Variants in PTPRD observed in about 807,000 individuals in gnomAD.
PTPRD encodes receptor-type tyrosine-protein phosphatase delta.
PTPRD carries 34 observed loss-of-function variants against 214.5 expected under a neutral mutation model. The ratio of observed to expected loss-of-function variants is 0.16; its 90% CI spans 0.12 to 0.21. PTPRD has a LOEUF of 0.21. Among genes scored for constraint, PTPRD ranks in the 10% least tolerant of loss-of-function variants. The pLI, the probability that PTPRD is intolerant of heterozygous loss-of-function variation, is 1.00. For synonymous variants in PTPRD, 1,128 were observed against 845.7 expected, an observed-to-expected ratio of 1.33 and a Z score of -5.79; for missense variants, 2,545 against 2,398.7, an observed-to-expected ratio of 1.06 and a Z score of -1.27.
chr9:8,456,618 G>C (rs1275712673), intron 33 of PTPRD, among the ~76,000 whole-genome samples: 1 of 152,130 alleles, frequency 6.6e-6, no homozygotes, highest in Non-Finnish European at 1.5e-5. Context: ...GAACTGTATG[G>C]AGGGTTGATA....
intron 14 of PTPRD, among the ~76,000 whole-genome samples, chr9:8,567,931 C>G (rs1366897692): frequency 2.0e-5 from 3 of 152,012 alleles, no homozygotes; most frequent in Non-Finnish European, 4.4e-5. Context: ...TATATGAAGA[C>G]TAAAATATTA....
Position 9,007,112 on chromosome 9 carries a change from C to G in PTPRD, c.-104+11585G>C, listed in dbSNP as rs1332668770. ...AAAATACTGTGTGTGCTCCCATCCA[C>G]ACATCTTAAGGAAATCAAAATGAAA... On this transcript the variant is annotated intron_variant, in intron 11 of 45. Coordinates refer to ENST00000381196, the MANE Select transcript of PTPRD (RefSeq NM_002839.4). Among the ~76,000 whole-genome samples the G allele has an allele frequency of 3.9e-5, 6 of 151,972 alleles. No individual in the cohort carries two copies. In the East Asian group the frequency reaches 1.2e-3, roughly 29 times the overall value.
At position 9,491,960 on chromosome 9, in the gene PTPRD, T is replaced by G. The variant is rs1019226610; in HGVS notation, c.-237+82772A>C. 2.0e-5 allele frequency among the ~76,000 whole-genome samples: 3 copies of G among 151,924 alleles called. No individual in the cohort carries two copies. The East Asian group carries it at 5.8e-4, about 29-fold the overall frequency. On this transcript the variant is annotated intron_variant, in intron 8 of 45. Transcript: ENST00000381196. ...TAAATCAATGAAACCAAAAGGTGAT[T>G]CTTTAAAAGGATTTTTTAAACTGAC... is the stretch of plus-strand genomic sequence containing the variant.
Position 9,143,482 on chromosome 9 carries a change from C to G in PTPRD, c.-143+39822G>C, listed in dbSNP as rs76428503. Reference sequence around the variant, plus strand: ...TTATCTTTTCCAAGTAAAGATCAGGCATTGAAAGGGAGCCCCTTTAAATTA... The same window carrying G: ...TTATCTTTTCCAAGTAAAGATCAGGGATTGAAAGGGAGCCCCTTTAAATTA... On this transcript the variant is annotated intron_variant, in intron 10 of 45. Transcript: ENST00000381196. Among the ~76,000 whole-genome samples the G allele has an allele frequency of 9.5e-3, 1,443 of 152,228 alleles. 19 individuals are homozygous for G. Among genetic ancestry groups the G allele is most frequent in the African/African-American group, 0.032 (1,342 of 41,518 alleles).
chr9:9,125,652 C>G (rs996551206), intron 10 of PTPRD, among the ~76,000 whole-genome samples: 7 of 152,162 alleles, frequency 4.6e-5, no homozygotes, highest in Non-Finnish European at 1.0e-4. Flanking sequence ...CATAGCCTCC[C>G]AGGTGAGAAT....
At chr9:8,525,815 C>G (rs1204803570) in intron 17 of PTPRD, among the ~76,000 whole-genome samples, 1 of 152,004 alleles carries the variant, frequency 6.6e-6, no homozygotes, top group African/African-American at 2.4e-5. Context: ...TGTGGTGTCA[C>G]AAAACCCCAA....
intron 7 of PTPRD, among the ~76,000 whole-genome samples, chr9:9,596,462 C>A (rs1037891249): frequency 6.6e-6 from 1 of 151,826 alleles, no homozygotes; most frequent in African/African-American, 2.4e-5. Flanking sequence ...GAAAATCTTG[C>A]CTTTTTATTT....
intron 11 of PTPRD, among the ~76,000 whole-genome samples, chr9:9,014,400 T>C (rs1470335494): frequency 6.6e-6 from 1 of 152,092 alleles, no homozygotes; most frequent in Non-Finnish European, 1.5e-5. Context: ...CTTAAAAATG[T>C]CACCTAATAG....
rs75919593 is a variant in PTPRD at position 10,586,089 on chromosome 9, T to A, written c.-600+26309A>T. Among the ~76,000 whole-genome samples the A allele has an allele frequency of 7.0e-3, 1,068 of 152,098 alleles. 8 individuals carry two copies. Among genetic ancestry groups the A allele is most frequent in the African/African-American group, 0.024 (1,012 of 41,514 alleles). Reference sequence around the variant, plus strand: ...ATGTTCTTTTCAAAACACAGTGCAGTAAAGAAATTTACATAAAAGTAAATT... The same window carrying A: ...ATGTTCTTTTCAAAACACAGTGCAGAAAAGAAATTTACATAAAAGTAAATT... On this transcript the variant is annotated intron_variant, in intron 2 of 45. Transcript: ENST00000381196.
At chr9:10,421,906 G>T (rs958271896) in intron 2 of PTPRD, among the ~76,000 whole-genome samples, 2 of 151,732 alleles carry the variant, frequency 1.3e-5, no homozygotes, top group Admixed American at 1.3e-4. Context: ...AACTCTGTGG[G>T]AACCCAGAAA....
chr9:9,558,140 G>T (rs2081994481), intron 8 of PTPRD, among the ~76,000 whole-genome samples: 1 of 152,002 alleles, frequency 6.6e-6, no homozygotes, highest in Admixed American at 6.6e-5. Flanking sequence ...TCTTTCTCTG[G>T]GTGCCAGCGC....
At chr9:8,710,089 G>A (rs375787757) in intron 12 of PTPRD, among the ~76,000 whole-genome samples, 5 of 152,112 alleles carry the variant, frequency 3.3e-5, no homozygotes, top group African/African-American at 9.7e-5. Flanking sequence ...AATAATCTGC[G>A]TGAAGCAAGG....
At chr9:8,355,642 G>T (rs966207019) in intron 39 of PTPRD, among the ~76,000 whole-genome samples, 1 of 152,150 alleles carries the variant, frequency 6.6e-6, no homozygotes, top group Non-Finnish European at 1.5e-5. Flanking sequence ...TCAACTCAAT[G>T]GATGCAAAAT....
At chr9:10,101,012 T>C (rs2098546652) in intron 3 of PTPRD, among the ~76,000 whole-genome samples, 1 of 151,764 alleles carries the variant, frequency 6.6e-6, no homozygotes, top group African/African-American at 2.4e-5. Flanking sequence ...TTATAATTAA[T>C]ATTAAATAAA....
chr9:8,694,086 C>A (rs2097859932), intron 12 of PTPRD, among the ~76,000 whole-genome samples: 1 of 152,148 alleles, frequency 6.6e-6, no homozygotes, highest in Non-Finnish European at 1.5e-5. Flanking sequence ...CTCTGAATAT[C>A]TTACCTAGAT....
At chr9:8,638,621 T>A (rs551286690) in intron 12 of PTPRD, among the ~76,000 whole-genome samples, 2 of 152,214 alleles carry the variant, frequency 1.3e-5, no homozygotes, top group African/African-American at 4.8e-5. Flanking sequence ...ATATTTGCAA[T>A]GCTGGTCCTG....
chr9:9,665,607 T>C (rs2096707002), intron 7 of PTPRD, among the ~76,000 whole-genome samples: 1 of 151,750 alleles, frequency 6.6e-6, no homozygotes, highest in Non-Finnish European at 1.5e-5. Context: ...AGGATTCAAA[T>C]TTAGGTCTGT....
intron 4 of PTPRD, among the ~76,000 whole-genome samples, chr9:10,028,881 G>A (rs2096985580): frequency 6.6e-6 from 1 of 152,156 alleles, no homozygotes; most frequent in African/African-American, 2.4e-5. Flanking sequence ...AAGACAATGA[G>A]GAAAATGTCT....
intron 11 of PTPRD, among the ~76,000 whole-genome samples, chr9:8,971,343 A>G (rs1409392545): frequency 6.6e-6 from 1 of 151,702 alleles, no homozygotes; most frequent in East Asian, 1.9e-4. Flanking sequence ...ATTAAAAAAA[A>G]CCCCAAAACC....
Sources: allele counts gnomAD v4.1 joint callset (sites outside exome capture counted in the v4.1 genomes callset), GRCh38; gene constraint gnomAD v4.1.1; transcripts MANE v1.5; gene names NCBI Gene and HGNC (gene_info 2026-07-23, HGNC 2026-07-21).